PTPRT: variants seen among roughly 807,000 people sequenced by gnomAD.
PTPRT encodes the protein receptor-type tyrosine-protein phosphatase T.
Under a neutral mutation model 176.8 loss-of-function variants are expected in PTPRT, and 56 were observed. The ratio of observed to expected loss-of-function variants is 0.32; its 90% CI spans 0.26 to 0.40. PTPRT has a LOEUF of 0.40. Ranked by LOEUF, PTPRT falls within the 10% of genes least tolerant of loss-of-function variation. The pLI, the probability that PTPRT is intolerant of heterozygous loss-of-function variation, is 1.00. For synonymous variants in PTPRT, 783 were observed against 739.0 expected, an observed-to-expected ratio of 1.06 and a Z score of -0.96; for missense variants, 1,540 against 1,908.2, an observed-to-expected ratio of 0.81 and a Z score of 3.60.
At chr20:42,158,322 G>A (rs952121004) in intron 17 of PTPRT, among the ~76,000 whole-genome samples, 5 of 152,080 alleles carry the variant, frequency 3.3e-5, no homozygotes, top group Non-Finnish European at 2.9e-5. Context: ...ACCTAGAATT[G>A]TCCCTGGGAA....
In PTPRT at chr20:42,720,540, G is replaced by C. The variant is rs57889361; in HGVS notation, c.859+35922C>G. On this transcript the variant is annotated intron_variant, in intron 6 of 30. Coordinates refer to ENST00000373187, the MANE Select transcript of PTPRT (RefSeq NM_007050.6). Reference sequence around the variant, plus strand: ...GGGTCAAAGGCAAGAAAAAACTGACGAATGTTCCATTGTCACCAGAATATA... The same window carrying C: ...GGGTCAAAGGCAAGAAAAAACTGACCAATGTTCCATTGTCACCAGAATATA... Among the ~76,000 whole-genome samples the C allele has an allele frequency of 4.5e-3, 684 of 152,298 alleles. 7 individuals carry two copies. The highest frequency in any genetic ancestry group is 0.016 in the African/African-American group (668 of 41,568).
At chr20:42,659,184 G>A (rs1431111098) in intron 7 of PTPRT, among the ~76,000 whole-genome samples, 4 of 152,002 alleles carry the variant, frequency 2.6e-5, no homozygotes, top group African/African-American at 9.7e-5. Context: ...ACAGCTCCAG[G>A]CACCAGGAAC....
chr20:43,055,763 T>A (rs1427754807), intron 1 of PTPRT, among the ~76,000 whole-genome samples: 1 of 152,240 alleles, frequency 6.6e-6, no homozygotes, highest in Admixed American at 6.5e-5. Flanking sequence ...ATTTACTGCT[T>A]TCCTGACTAA....
intron 1 of PTPRT, among the ~76,000 whole-genome samples, chr20:42,981,463 A>G (rs938450030): frequency 2.6e-5 from 4 of 152,228 alleles, no homozygotes; most frequent in Non-Finnish European, 5.9e-5. Context: ...CCAATAAGGC[A>G]TCAACAAACA....
intron 7 of PTPRT, among the ~76,000 whole-genome samples, chr20:42,620,865 G>A (rs572610874): frequency 7.2e-5 from 11 of 152,252 alleles, no homozygotes; most frequent in South Asian, 2.1e-4. Flanking sequence ...AGATAAACCC[G>A]GTACCTCAGA....
chr20:42,493,969 A>G (rs1043158841), intron 7 of PTPRT, among the ~76,000 whole-genome samples: 2 of 151,486 alleles, frequency 1.3e-5, no homozygotes, highest in African/African-American at 4.9e-5. Flanking sequence ...CACATTGCCC[A>G]TCCTCTCCTG....
At chr20:42,874,089 C>T (rs1202201445) in intron 2 of PTPRT, among the ~76,000 whole-genome samples, 1 of 152,142 alleles carries the variant, frequency 6.6e-6, no homozygotes, top group Non-Finnish European at 1.5e-5. Flanking sequence ...GAATGGTCCA[C>T]GAAGACATCG....
intron 9 of PTPRT, among the ~76,000 whole-genome samples, chr20:42,356,585 A>ACTC: frequency 6.6e-6 from 1 of 152,176 alleles, no homozygotes; most frequent in Non-Finnish European, 1.5e-5. Flanking sequence ...AACCCCAGCT[A>ACTC]CTCGGGAGGC....
intron 1 of PTPRT, among the ~76,000 whole-genome samples, chr20:43,018,503 T>G (rs148887867): frequency 1.5e-3 from 227 of 152,352 alleles, no homozygotes; most frequent in East Asian, 7.9e-3. Context: ...GTTGACTGAT[T>G]GCATTTTTTA....
At chr20:43,091,742 G>C (rs2011883293) in intron 1 of PTPRT, among the ~76,000 whole-genome samples, 1 of 152,160 alleles carries the variant, frequency 6.6e-6, no homozygotes, top group Non-Finnish European at 1.5e-5. Context: ...AGGACCGCAA[G>C]AAGAGCAGCC....
intron 17 of PTPRT, among the ~76,000 whole-genome samples, chr20:42,144,688 C>A (rs768845824): frequency 6.6e-6 from 1 of 152,110 alleles, no homozygotes; most frequent in Non-Finnish European, 1.5e-5. Flanking sequence ...CTCTCTCTAC[C>A]CTAAATTTAG....
chr20:42,967,906 C>A (rs925417969), intron 1 of PTPRT, among the ~76,000 whole-genome samples: 3 of 152,138 alleles, frequency 2.0e-5, no homozygotes, highest in Non-Finnish European at 4.4e-5. Context: ...ATGCTGGCAA[C>A]CCAATGAGGG....
intron 8 of PTPRT, among the ~76,000 whole-genome samples, chr20:42,451,101 T>C (rs978964959): frequency 3.3e-5 from 5 of 152,132 alleles, no homozygotes; most frequent in African/African-American, 9.7e-5. Flanking sequence ...TAGGAGGCTG[T>C]CATTGTCATC....
intron 1 of PTPRT, among the ~76,000 whole-genome samples, chr20:42,901,646 AG>A (rs1448523984): frequency 6.6e-6 from 1 of 152,106 alleles, no homozygotes; most frequent in Admixed American, 6.5e-5. Flanking sequence ...ACTTGACCAC[AG>A]TGGTAGCACA....
intron 7 of PTPRT, among the ~76,000 whole-genome samples, chr20:42,490,497 T>C (rs1426465434): frequency 6.6e-6 from 1 of 152,148 alleles, no homozygotes; most frequent in Non-Finnish European, 1.5e-5. Context: ...TTAAATTAGA[T>C]TTTCTAGTTC....
intron 11 of PTPRT, among the ~76,000 whole-genome samples, chr20:42,340,148 G>A (rs144095428): frequency 4.4e-4 from 67 of 152,272 alleles, no homozygotes; most frequent in African/African-American, 1.5e-3. Flanking sequence ...TGTGGCTAAT[G>A]CAACCAATGA....
intron 26 of PTPRT, among the ~76,000 whole-genome samples, chr20:42,100,313 C>T (rs932126199): frequency 6.6e-6 from 1 of 152,218 alleles, no homozygotes; most frequent in African/African-American, 2.4e-5. Context: ...TCATGGATAA[C>T]ATCATCCTTT....
chr20:42,328,807 CA>C (rs1011750603), intron 11 of PTPRT, among the ~76,000 whole-genome samples: 2 of 152,018 alleles, frequency 1.3e-5, no homozygotes, highest in African/African-American at 2.4e-5. Context: ...CCCAAAGCAA[CA>C]AAACATAAAA....
intron 9 of PTPRT, among the ~76,000 whole-genome samples, chr20:42,443,448 T>C (rs1287155502): frequency 6.6e-6 from 1 of 152,232 alleles, no homozygotes; most frequent in East Asian, 1.9e-4. Flanking sequence ...GATCTGTCAC[T>C]CTGTTAGGGG....
Sources: allele counts gnomAD v4.1 joint callset (sites outside exome capture counted in the v4.1 genomes callset), GRCh38; gene constraint gnomAD v4.1.1; transcripts MANE v1.5; gene names NCBI Gene and HGNC (gene_info 2026-07-23, HGNC 2026-07-21).